PRSS23: variants seen among roughly 807,000 people sequenced by gnomAD.
PRSS23 encodes protease, serine 23.
A neutral mutation model predicts 34.7 loss-of-function variants in PRSS23; 25 were observed. That is an observed-to-expected ratio of 0.72 (90% CI 0.53 to 1.01). The LOEUF (loss-of-function observed/expected upper bound fraction) is 1.01, where lower values mean the gene tolerates loss of function less well. Ranked by LOEUF, PRSS23 falls within the 50% of genes least tolerant of loss-of-function variation. PRSS23 has a pLI of 0.00. For synonymous variants in PRSS23, 176 were observed against 186.6 expected (o/e 0.94, Z 0.46); for missense variants, 445 against 475.6 (o/e 0.94, Z 0.60).
At chr11:86,819,394 G>A (rs1948237325) in intron 1 of PRSS23, among the ~76,000 whole-genome samples, 1 of 151,982 alleles carries the variant, frequency 6.6e-6, no homozygotes, top group Admixed American at 6.5e-5. Context: ...TTTTTTTTTA[G>A]AGAGAGAACA....
chr11:86,850,648 T>C (rs535360437), intron 2 of PRSS23, among the ~76,000 whole-genome samples: 1 of 152,214 alleles, frequency 6.6e-6, no homozygotes, highest in African/African-American at 2.4e-5. Flanking sequence ...CTCTCTCCCT[T>C]CCCCCTCCCC....
chr11:86,893,388 T>C lies in PRSS23; in HGVS notation c.207-57828T>C, dbSNP rs368462841. On this transcript the variant is annotated intron_variant, in intron 2 of 2. Coordinates refer to the PRSS23 transcript ENST00000533902. ...CGCAAATTATACTTACTGTGTGTTA[T>C]GCACTATGATAAATCCTATTAATGC... is the stretch of plus-strand genomic sequence containing the variant. 8.5e-5 allele frequency among the ~76,000 whole-genome samples: 13 copies of C among 152,352 alleles called. No homozygotes were observed. The East Asian group carries it at 2.1e-3, about 25-fold the overall frequency.
At chr11:86,829,188 C>T (rs1331526487) in intron 2 of PRSS23, among the ~76,000 whole-genome samples, 4 of 152,028 alleles carry the variant, frequency 2.6e-5, no homozygotes, top group Non-Finnish European at 2.9e-5. Context: ...AGGCTTTGTT[C>T]GTTTCTTTTT....
intron 2 of PRSS23, among the ~76,000 whole-genome samples, chr11:86,926,777 A>AT (rs1478001954): frequency 1.3e-5 from 2 of 151,996 alleles, no homozygotes; most frequent in Admixed American, 1.3e-4. Context: ...TTCCCCTCGC[A>AT]TTTTTCCCCT....
In PRSS23 at chr11:86,892,429, G is replaced by A. The variant is rs538835294; in HGVS notation, c.207-58787G>A. Reference sequence around the variant, plus strand: ...TTGGGCGGGAGCTGGCCATGGCTGAGAGTTGATGGAATGACAATATTAGGA... The same window carrying A: ...TTGGGCGGGAGCTGGCCATGGCTGAAAGTTGATGGAATGACAATATTAGGA... On this transcript the variant is annotated intron_variant, in intron 2 of 2. Transcript: ENST00000533902. 7.2e-5 allele frequency: 11 copies of A among 152,356 alleles called. 1 individual carries two copies. The South Asian group carries it at 2.3e-3, about 32-fold the overall frequency. The allele number at this position is 152,356 out of a possible 1,614,324, so 9.4% of individuals were successfully genotyped here.
chr11:86,803,929 C>A (rs931439993), intron 1 of PRSS23, among the ~76,000 whole-genome samples: 16 of 152,220 alleles, frequency 1.1e-4, no homozygotes, highest in African/African-American at 3.4e-4. Context: ...TTCCTTTCCC[C>A]CTCCTTTGCC....
intron 2 of PRSS23, among the ~76,000 whole-genome samples, chr11:86,908,742 G>C (rs11820447): frequency 6.6e-6 from 1 of 152,072 alleles, no homozygotes; most frequent in Non-Finnish European, 1.5e-5. Context: ...AGTGGTGTGA[G>C]GGGGGTGGGG....
chr11:86,951,393 A>T, exon 3 of PRSS23: 1 of 1,614,054 alleles, frequency 6.2e-7, no homozygotes, highest in Non-Finnish European at 8.5e-7. Context: ...TCATAAAAAT[A>T]ACAGGCAATC....
At chr11:86,807,107 GTCCT>G (rs1314916958) in intron 1 of PRSS23, among the ~76,000 whole-genome samples, 1 of 152,184 alleles carries the variant, frequency 6.6e-6, no homozygotes, top group Admixed American at 6.5e-5. Flanking sequence ...CTGTGGAGCT[GTCCT>G]TCTTTGATGT....
chr11:86,908,705 G>T (rs1026543696), intron 2 of PRSS23, among the ~76,000 whole-genome samples: 1 of 152,080 alleles, frequency 6.6e-6, no homozygotes, highest in Non-Finnish European at 1.5e-5. Flanking sequence ...AACATTTTTA[G>T]GTTAACTGAA....
At chr11:86,826,646 T>C (rs1237382921) in intron 2 of PRSS23, among the ~76,000 whole-genome samples, 1 of 152,248 alleles carries the variant, frequency 6.6e-6, no homozygotes, top group African/African-American at 2.4e-5. Flanking sequence ...AGATAGCTCT[T>C]ATTATTTTGA....
intron 2 of PRSS23, among the ~76,000 whole-genome samples, chr11:86,876,743 A>C (rs972586644): frequency 2.6e-4 from 38 of 144,698 alleles, no homozygotes; most frequent in African/African-American, 9.9e-4. Context: ...AAAAAAAAAA[A>C]CGAAGCAATT....
intron 2 of PRSS23, among the ~76,000 whole-genome samples, chr11:86,878,573 G>T (rs546269671): frequency 8.3e-4 from 127 of 152,138 alleles, no homozygotes; most frequent in Non-Finnish European, 1.5e-3. Context: ...TGCTCAATGG[G>T]GCCCAGGCTG....
Position 86,809,111 on chromosome 11 carries a change from G to C in PRSS23, c.*316G>C. ...TAATCTTCACGTTTTTGCAAACTTTGATTTTTATTTCATCTGAACTTGTTT... is the reference window on the plus strand; with the variant it reads ...TAATCTTCACGTTTTTGCAAACTTTCATTTTTATTTCATCTGAACTTGTTT... On this transcript the variant is annotated 3_prime_UTR_variant, in exon 2 of 2. Transcript: ENST00000280258. 4.1e-6 allele frequency: 1 copy of C among 244,882 alleles called. No individual in the cohort carries two copies. The highest frequency in any genetic ancestry group is 8.4e-6 in the Non-Finnish European group (1 of 119,266). 15.2% of individuals were successfully genotyped at this position (244,882 alleles called of 1,614,324 possible). A position where few individuals can be genotyped will look rare whatever the true frequency, so the allele number is the denominator to read the frequency against.
intron 1 of PRSS23, among the ~76,000 whole-genome samples, chr11:86,795,501 G>A (rs72969405): frequency 0.085 from 12,883 of 152,350 alleles, 785 homozygotes; most frequent in Non-Finnish European, 0.12. Flanking sequence ...GGTAGGCACC[G>A]TGGGTGCCCC....
At chr11:86,805,326 A>G (rs1456813267) in intron 1 of PRSS23, among the ~76,000 whole-genome samples, 1 of 152,046 alleles carries the variant, frequency 6.6e-6, no homozygotes, top group Non-Finnish European at 1.5e-5. Flanking sequence ...TCATCACCAC[A>G]CCCATTTCAC....
chr11:86,835,526 C>T (rs1948398251), intron 2 of PRSS23, among the ~76,000 whole-genome samples: 1 of 152,226 alleles, frequency 6.6e-6, no homozygotes, highest in Admixed American at 6.5e-5. Context: ...GTCCATCTTA[C>T]TAAATGGGTA....
chr11:86,828,126 T>A (rs1391434645), intron 2 of PRSS23, among the ~76,000 whole-genome samples: 6 of 152,206 alleles, frequency 3.9e-5, no homozygotes, highest in Non-Finnish European at 1.5e-5. Context: ...TGTGTGGGAG[T>A]CTAAGTCTCT....
At chr11:86,935,866 C>A (rs943614311) in intron 2 of PRSS23, 8 of 152,130 alleles carry the variant, frequency 5.3e-5, no homozygotes, top group Middle Eastern at 3.2e-3. Context: ...ACATCATTTA[C>A]AGGAGCAGGT....
Sources: gnomAD v4.1 joint callset for allele counts (sites outside exome capture counted in the v4.1 genomes callset) on GRCh38, gnomAD v4.1.1 for gene constraint, MANE v1.5 for transcripts, NCBI Gene and HGNC (gene_info 2026-07-23, HGNC 2026-07-21) for gene names.